THSD7B: variants seen among roughly 807,000 people sequenced by gnomAD.
The protein encoded by THSD7B is thrombospondin type 1 domain containing 7B, also known as thrombospondin type-1 domain-containing protein 7B.
A neutral mutation model predicts 213.6 loss-of-function variants in THSD7B; 138 were observed. The observed-to-expected ratio is 0.65, with a 90% confidence interval of 0.56 to 0.74. The LOEUF (loss-of-function observed/expected upper bound fraction) is 0.74, where lower values mean the gene tolerates loss of function less well. THSD7B is among the 30% of genes least tolerant of loss of function. The pLI is 0.00. For missense variants in THSD7B, 1,931 were observed against 1,991.5 expected (o/e 0.97, Z 0.58); for synonymous variants, 742 against 687.0 (o/e 1.08, Z -1.25).
At chr2:137,309,896 T>C (rs952750889) in intron 12 of THSD7B, among the ~76,000 whole-genome samples, 26 of 151,790 alleles carry the variant, frequency 1.7e-4, no homozygotes, top group Admixed American at 5.9e-4. Context: ...TTTCTTAATC[T>C]GGTCTATCAT....
intron 12 of THSD7B, among the ~76,000 whole-genome samples, chr2:137,381,353 C>T (rs991042850): frequency 6.6e-6 from 1 of 152,218 alleles, no homozygotes; most frequent in Non-Finnish European, 1.5e-5. Context: ...ATGAGAAGTA[C>T]ACACCCAGTC....
chr2:137,576,976 A>T (rs1681477346), intron 17 of THSD7B, among the ~76,000 whole-genome samples: 1 of 152,058 alleles, frequency 6.6e-6, no homozygotes, highest in Non-Finnish European at 1.5e-5. Context: ...GCACTTCCTC[A>T]ACCTCACCTA....
rs1037271439 is a variant in THSD7B, at chr2:137,096,843, A to G, written c.1199+1722A>G. ...CATCTGATAATACTGCCTGTGTGGC[A>G]GGCTAGAAAGGCTGAAGACCAGGCA... On this transcript the variant is annotated intron_variant, in intron 4 of 27. Transcript: ENST00000409968. Among the ~76,000 whole-genome samples, 4 of 152,192 alleles carry G rather than the reference A, an allele frequency of 2.6e-5. No homozygotes were observed. In the East Asian group the frequency reaches 7.7e-4, roughly 29 times the overall value.
chr2:136,968,684 TGAA>T (rs1369097828), intron 2 of THSD7B, among the ~76,000 whole-genome samples: 7 of 152,314 alleles, frequency 4.6e-5, no homozygotes, highest in African/African-American at 1.7e-4. Flanking sequence ...TGTCCTACCC[TGAA>T]GTTATGCAGA....
intron 7 of THSD7B, among the ~76,000 whole-genome samples, chr2:137,230,000 C>A (rs1681601690): frequency 6.6e-6 from 1 of 152,084 alleles, no homozygotes; most frequent in African/African-American, 2.4e-5. Context: ...CCTATAGTTG[C>A]CATTTCATGT....
chr2:136,995,238 TG>T (rs1164911622), intron 2 of THSD7B, among the ~76,000 whole-genome samples: 1 of 152,086 alleles, frequency 6.6e-6, no homozygotes, highest in African/African-American at 2.4e-5. Flanking sequence ...ATGCAGTGGA[TG>T]TTAAATATGA....
At chr2:136,846,636 C>T (rs1460932966) in intron 1 of THSD7B, among the ~76,000 whole-genome samples, 2 of 151,984 alleles carry the variant, frequency 1.3e-5, no homozygotes, top group Non-Finnish European at 2.9e-5. Flanking sequence ...GCAACATGGG[C>T]ATTATTATAA....
chr2:136,968,519 C>T (rs1016737154), intron 2 of THSD7B, among the ~76,000 whole-genome samples: 1 of 151,994 alleles, frequency 6.6e-6, no homozygotes, highest in Non-Finnish European at 1.5e-5. Context: ...ATGACTGCTG[C>T]ACTGGTTATA....
chr2:137,620,876 CA>C (rs1197768920), intron 20 of THSD7B, 150 bp downstream of exon 20: 1 of 625,180 alleles, frequency 1.6e-6, no homozygotes, highest in Non-Finnish European at 2.8e-6. Context: ...AGCCTGGCCT[CA>C]TATCAGTCCA....
intron 12 of THSD7B, among the ~76,000 whole-genome samples, chr2:137,341,066 C>T (rs557720417): frequency 6.6e-6 from 1 of 150,714 alleles, no homozygotes; most frequent in African/African-American, 2.4e-5. Context: ...CCAACAGTTC[C>T]CTTTTCTCGA....
intron 1 of THSD7B, among the ~76,000 whole-genome samples, chr2:136,856,518 T>A (rs63386360): frequency 7.1e-6 from 1 of 140,542 alleles, no homozygotes; most frequent in African/African-American, 2.6e-5. Context: ...ATGAGCTGGA[T>A]TTTTTTTTTT....
At chr2:136,926,752 C>T (rs1430832737) in intron 2 of THSD7B, among the ~76,000 whole-genome samples, 1 of 151,968 alleles carries the variant, frequency 6.6e-6, no homozygotes, top group East Asian at 1.9e-4. Context: ...TTCTGAGAAC[C>T]TCTTTTGTCC....
chr2:137,496,267 A>G (rs966367632), intron 15 of THSD7B, among the ~76,000 whole-genome samples: 19 of 152,226 alleles, frequency 1.2e-4, no homozygotes, highest in African/African-American at 4.3e-4. Context: ...TGACTTTCCT[A>G]AGGTCTCCTA....
chr2:137,486,547 G>C (rs1688449542), intron 15 of THSD7B, among the ~76,000 whole-genome samples: 1 of 149,430 alleles, frequency 6.7e-6, no homozygotes, highest in South Asian at 2.2e-4. Context: ...AATAATGGGA[G>C]ACTTTAACAC....
intron 1 of THSD7B, among the ~76,000 whole-genome samples, chr2:136,832,267 A>G (rs899783861): frequency 1.3e-5 from 2 of 151,656 alleles, no homozygotes; most frequent in Non-Finnish European, 2.9e-5. Flanking sequence ...GGAGGATGAG[A>G]AGTCCCATGA....
intron 15 of THSD7B, among the ~76,000 whole-genome samples, chr2:137,561,937 G>A (rs182113366): frequency 1.3e-5 from 2 of 151,954 alleles, no homozygotes; most frequent in Admixed American, 1.3e-4. Context: ...TTATCTTCTT[G>A]TGAGTTCTAA....
chr2:137,433,667 T>A (rs778414525), intron 14 of THSD7B, among the ~76,000 whole-genome samples: 4 of 152,194 alleles, frequency 2.6e-5, no homozygotes, highest in Non-Finnish European at 4.4e-5. Flanking sequence ...TTTTCTACTT[T>A]CTCTAGGCCA....
intron 15 of THSD7B, among the ~76,000 whole-genome samples, chr2:137,462,807 A>G (rs751407514): frequency 7.4e-6 from 1 of 135,380 alleles, no homozygotes; most frequent in Non-Finnish European, 1.5e-5. Flanking sequence ...AGAGTAGTGA[A>G]GCTCACAATT....
intron 2 of THSD7B, among the ~76,000 whole-genome samples, chr2:136,922,723 A>G (rs1028420968): frequency 6.6e-6 from 1 of 152,214 alleles, no homozygotes; most frequent in African/African-American, 2.4e-5. Context: ...CCCATAAAAT[A>G]AAATAAAAAC....
Sources: gnomAD v4.1 joint callset for allele counts (sites outside exome capture counted in the v4.1 genomes callset) on GRCh38, gnomAD v4.1.1 for gene constraint, MANE v1.5 for transcripts, NCBI Gene and HGNC (gene_info 2026-07-23, HGNC 2026-07-21) for gene names.